Variants in GASK1A observed in about 807,000 individuals in gnomAD.
The protein encoded by GASK1A is Golgi-associated kinase 1A.
GASK1A carries 40 observed loss-of-function variants against 41.2 expected under a neutral mutation model. The ratio of observed to expected loss-of-function variants is 0.97; its 90% CI spans 0.75 to 1.27. The LOEUF (loss-of-function observed/expected upper bound fraction) is 1.27, where lower values mean the gene tolerates loss of function less well. Among genes scored for constraint, GASK1A ranks in the 50% most tolerant of loss-of-function variants. GASK1A has a pLI of 0.00. For missense variants in GASK1A, 678 were observed against 745.1 expected (o/e 0.91, Z 1.05); for synonymous variants, 316 against 307.1 (o/e 1.03, Z -0.30).
chr3:43,033,461 G>C lies in GASK1A; in HGVS notation c.1198G>C (p.Ala400Pro). 1 of 1,550,996 alleles carries C rather than the reference G, an allele frequency of 6.4e-7. No individual in the cohort carries two copies. Among genetic ancestry groups the C allele is most frequent in the Non-Finnish European group, 8.7e-7 (1 of 1,146,992 alleles). The change falls in exon 2 of 5, where the codon GCA (alanine) becomes CCA (proline). Residue 400 changes from alanine to proline, a missense_variant. Coordinates refer to ENST00000430121, the MANE Select transcript of GASK1A (RefSeq NM_001129908.3). ...LGWLQYQALL[A>P]HSCNWPGQAP... is the part of the protein sequence containing the mutation. ...CTGGCTGCAGTATCAGGCCCTGCTGGCACACAGCTGCAACTGGCCAGGCCA... is the reference window on the plus strand; with the variant it reads ...CTGGCTGCAGTATCAGGCCCTGCTGCCACACAGCTGCAACTGGCCAGGCCA...
At chr3:43,019,596 A>G (rs2089511384) in intron 1 of GASK1A, among the ~76,000 whole-genome samples, 1 of 152,182 alleles carries the variant, frequency 6.6e-6, no homozygotes, top group Admixed American at 6.5e-5. Context: ...ATGGAACAGA[A>G]ACTCCAAATT....
At chr3:42,983,352 G>A (rs1262662337) in intron 1 of GASK1A, among the ~76,000 whole-genome samples, 1 of 152,032 alleles carries the variant, frequency 6.6e-6, no homozygotes, top group East Asian at 1.9e-4. Context: ...GGTCTAAAAT[G>A]GTAAGGAAGT....
chr3:43,046,580 G>T (rs834188), intron 2 of GASK1A, among the ~76,000 whole-genome samples: 56,612 of 152,084 alleles, frequency 0.37, 11,021 homozygotes, highest in East Asian at 0.57. Context: ...TGATGATGTG[G>T]TAGAAATGAA....
intron 2 of GASK1A, among the ~76,000 whole-genome samples, chr3:43,051,243 T>C (rs1160115361): frequency 6.6e-6 from 1 of 152,226 alleles, no homozygotes; most frequent in East Asian, 1.9e-4. Flanking sequence ...ACAAATTCTA[T>C]AGTCATCTGT....
At chr3:43,048,693 C>G (rs1202465890) in intron 2 of GASK1A, among the ~76,000 whole-genome samples, 1 of 152,132 alleles carries the variant, frequency 6.6e-6, no homozygotes, top group Non-Finnish European at 1.5e-5. Context: ...GAAGCTTGCT[C>G]CTGGAGGCAT....
rs894290888 is a variant in GASK1A, at chr3:43,033,627, C to T, written c.1290+74C>T. 5.9e-6 allele frequency: 8 copies of T among 1,353,352 alleles called. No individual in the cohort carries two copies. The South Asian group carries it at 1.1e-4, about 19-fold the overall frequency. The allele number at this position is 1,353,352 out of a possible 1,614,324, so 83.8% of individuals were successfully genotyped here. A position where few individuals can be genotyped will look rare whatever the true frequency, so the allele number is the denominator to read the frequency against. On this transcript the variant is annotated intron_variant, in intron 2 of 4. Coordinates refer to ENST00000430121, the MANE Select transcript of GASK1A (RefSeq NM_001129908.3). ...TCTGGGTGGAGAGGCCTGAATTGCC[C>T]ACCTGAGGTTAGATGGTGACTCTCC...
chr3:42,997,440 G>A (rs71615418), intron 1 of GASK1A, among the ~76,000 whole-genome samples: 57,910 of 151,008 alleles, frequency 0.38, 11,603 homozygotes, highest in Non-Finnish European at 0.45. Flanking sequence ...CAGAGAGAGG[G>A]GGGGGGGATC....
chr3:42,983,247 G>A (rs1037232943), intron 1 of GASK1A, among the ~76,000 whole-genome samples: 2 of 152,120 alleles, frequency 1.3e-5, no homozygotes, highest in African/African-American at 4.8e-5. Flanking sequence ...AGGAGCAAAT[G>A]GAGTCATGGA....
intron 2 of GASK1A, among the ~76,000 whole-genome samples, chr3:43,050,965 G>A (rs965953092): frequency 6.6e-6 from 1 of 152,044 alleles, no homozygotes; most frequent in African/African-American, 2.4e-5. Context: ...TTGAACATAT[G>A]TAAAATAGCT....
intron 2 of GASK1A, among the ~76,000 whole-genome samples, chr3:43,040,519 C>A (rs1354911419): frequency 6.6e-6 from 1 of 151,966 alleles, no homozygotes; most frequent in Non-Finnish European, 1.5e-5. Flanking sequence ...GAAATCAAAT[C>A]AAGTTTTTGT....
chr3:43,020,260 C>T (rs539934382), intron 1 of GASK1A, among the ~76,000 whole-genome samples: 2 of 152,300 alleles, frequency 1.3e-5, no homozygotes, highest in Admixed American at 6.5e-5. Flanking sequence ...ACTCTAAGTA[C>T]GGTCCTTTCC....
chr3:43,057,342 A>G lies in GASK1A; in HGVS notation c.*956A>G, dbSNP rs1332850829. The G allele has an allele frequency of 6.6e-6, 1 of 152,240 alleles. No individual in the cohort carries two copies. Among genetic ancestry groups the G allele is most frequent in the Non-Finnish European group, 1.5e-5 (1 of 68,048 alleles). The allele number at this position is 152,240 out of a possible 1,614,324, so 9.4% of individuals were successfully genotyped here. A position where few individuals can be genotyped will look rare whatever the true frequency, so the allele number is the denominator to read the frequency against. ...GTACGGGATTTCTGGGGCAAAGGGTATGGGCATTCAGTATTCTGAGAGAAA... is the reference window on the plus strand; with the variant it reads ...GTACGGGATTTCTGGGGCAAAGGGTGTGGGCATTCAGTATTCTGAGAGAAA... On this transcript the variant is annotated 3_prime_UTR_variant, in exon 5 of 5. Coordinates refer to ENST00000430121, the MANE Select transcript of GASK1A (RefSeq NM_001129908.3).
chr3:43,056,928 A>G lies in GASK1A; in HGVS notation c.*542A>G, dbSNP rs1255530626. On this transcript the variant is annotated 3_prime_UTR_variant, in exon 5 of 5. Coordinates refer to ENST00000430121, the MANE Select transcript of GASK1A (RefSeq NM_001129908.3). ...TTGGTTTAAAAAATTATAAAAGTCTAAAAGTAATACATGCTCAGTAAAAAC... is the reference window on the plus strand; with the variant it reads ...TTGGTTTAAAAAATTATAAAAGTCTGAAAGTAATACATGCTCAGTAAAAAC... The G allele has an allele frequency of 6.6e-6, 1 of 152,280 alleles. No homozygotes were observed. Among genetic ancestry groups the G allele is most frequent in the Non-Finnish European group, 1.5e-5 (1 of 68,086 alleles). The allele number at this position is 152,280 out of a possible 1,614,324, so 9.4% of individuals were successfully genotyped here. A position where few individuals can be genotyped will look rare whatever the true frequency, so the allele number is the denominator to read the frequency against.
intron 1 of GASK1A, among the ~76,000 whole-genome samples, chr3:43,031,188 C>T (rs998809479): frequency 2.0e-5 from 3 of 152,166 alleles, no homozygotes; most frequent in Non-Finnish European, 4.4e-5. Flanking sequence ...TTGTCAGTCA[C>T]GTATCTGTTG....
At chr3:43,021,717 T>C (rs1224056269) in intron 1 of GASK1A, among the ~76,000 whole-genome samples, 1 of 152,050 alleles carries the variant, frequency 6.6e-6, no homozygotes, top group Admixed American at 6.6e-5. Context: ...GGCAGAGAGG[T>C]TGTGTGACTT....
At chr3:42,993,924 G>A (rs560419648) in intron 1 of GASK1A, among the ~76,000 whole-genome samples, 4 of 152,164 alleles carry the variant, frequency 2.6e-5, no homozygotes, top group South Asian at 2.1e-4. Flanking sequence ...ATTATCTCCC[G>A]GAATCCTCAT....
At chr3:43,048,787 G>T (rs1461291593) in intron 2 of GASK1A, among the ~76,000 whole-genome samples, 1 of 152,192 alleles carries the variant, frequency 6.6e-6, no homozygotes, top group East Asian at 1.9e-4. Flanking sequence ...GGACTGTATG[G>T]TTGGGACCTT....
chr3:43,005,711 G>A (rs1456019959), intron 1 of GASK1A, among the ~76,000 whole-genome samples: 1 of 152,154 alleles, frequency 6.6e-6, no homozygotes, highest in East Asian at 1.9e-4. Context: ...CGTAGGCTGG[G>A]GTTGCTAAGA....
intron 2 of GASK1A, among the ~76,000 whole-genome samples, chr3:43,039,635 G>A (rs1250885525): frequency 3.3e-5 from 5 of 152,168 alleles, no homozygotes; most frequent in Non-Finnish European, 7.3e-5. Context: ...TATAAGCATA[G>A]GACTCGATAG....
Sources: allele counts gnomAD v4.1 joint callset (sites outside exome capture counted in the v4.1 genomes callset), GRCh38; gene constraint gnomAD v4.1.1; transcripts MANE v1.5; gene names NCBI Gene and HGNC (gene_info 2026-07-23, HGNC 2026-07-21).